The following FNDC3B variants were observed in gnomAD, a reference collection of about 807,000 sequenced individuals.
FNDC3B encodes the protein fibronectin type III domain-containing protein 3B.
A neutral mutation model predicts 151.5 loss-of-function variants in FNDC3B; 12 were observed. The observed-to-expected ratio is 0.08, with a 90% confidence interval of 0.05 to 0.13. The LOEUF is 0.13. Among genes scored for constraint, FNDC3B ranks in the 10% least tolerant of loss-of-function variants. The pLI, the probability that FNDC3B is intolerant of heterozygous loss-of-function variation, is 1.00. For missense variants in FNDC3B, 1,214 were observed against 1,505.3 expected (o/e 0.81, Z 3.20); for synonymous variants, 528 against 549.0 (o/e 0.96, Z 0.54).
chr3:172,394,106 T>TAAAAAGAAAAAAAA (rs1736154931), intron 25 of FNDC3B, among the ~76,000 whole-genome samples: 1 of 16,644 alleles, frequency 6.0e-5, no homozygotes, highest in Non-Finnish European at 1.1e-4. Flanking sequence ...AGACTCCTTC[T>TAAAAAGAAAAAAAA]AAAAAAAAAA....
At chr3:172,165,018 ATTTG>A (rs1433861952) in intron 3 of FNDC3B, among the ~76,000 whole-genome samples, 2 of 152,104 alleles carry the variant, frequency 1.3e-5, no homozygotes, top group African/African-American at 4.8e-5. Flanking sequence ...TTATGGTTTT[ATTTG>A]TTTGTTTGGA....
chr3:172,202,553 G>T (rs1289216867), intron 3 of FNDC3B, among the ~76,000 whole-genome samples: 1 of 152,162 alleles, frequency 6.6e-6, no homozygotes, highest in Non-Finnish European at 1.5e-5. Context: ...CCCCTTGTAA[G>T]GGCAAGTGGT....
At chr3:172,302,928 G>GAGAC (rs1213286844) in intron 9 of FNDC3B, 3 of 151,384 alleles carry the variant, frequency 2.0e-5, no homozygotes, top group Admixed American at 6.6e-5. Flanking sequence ...GCCTGAGAGA[G>GAGAC]AGAGACAGAG....
chr3:172,067,817 C>T (rs192789277), intron 1 of FNDC3B, among the ~76,000 whole-genome samples: 12 of 152,312 alleles, frequency 7.9e-5, no homozygotes, highest in African/African-American at 2.4e-4. Context: ...CAGTTTGTTT[C>T]TCTGCCACTT....
chr3:172,057,784 A>G (rs1263139007), intron 1 of FNDC3B, among the ~76,000 whole-genome samples: 1 of 151,092 alleles, frequency 6.6e-6, no homozygotes, highest in Non-Finnish European at 1.5e-5. Flanking sequence ...GCCTTGGGCC[A>G]TGTTAATAAT....
intron 3 of FNDC3B, among the ~76,000 whole-genome samples, chr3:172,182,669 A>C (rs1366439118): frequency 6.6e-6 from 1 of 152,194 alleles, no homozygotes; most frequent in Non-Finnish European, 1.5e-5. Context: ...TCCAACATAG[A>C]ATCTTAAGAA....
chr3:172,381,848 A>G (rs1028087354), intron 25 of FNDC3B, among the ~76,000 whole-genome samples: 7 of 152,004 alleles, frequency 4.6e-5, no homozygotes, highest in African/African-American at 7.3e-5. Context: ...TATGTGCCAC[A>G]TTTTCTTTAT....
intron 11 of FNDC3B, among the ~76,000 whole-genome samples, chr3:172,323,303 T>C (rs1732181624): frequency 6.6e-6 from 1 of 152,114 alleles, no homozygotes; most frequent in Non-Finnish European, 1.5e-5. Flanking sequence ...GGTGGAAGGA[T>C]AGCTTGAGGC....
chr3:172,256,949 G>A (rs77101413), intron 6 of FNDC3B, among the ~76,000 whole-genome samples: 2 of 144,842 alleles, frequency 1.4e-5, no homozygotes, highest in Admixed American at 6.9e-5. Flanking sequence ...TTTTTTTTTT[G>A]AGACAGAATC....
intron 1 of FNDC3B, among the ~76,000 whole-genome samples, chr3:172,059,609 A>T (rs1216452128): frequency 6.6e-6 from 1 of 152,178 alleles, no homozygotes; most frequent in African/African-American, 2.4e-5. Flanking sequence ...TTTGAAATTT[A>T]TCTAGTATAC....
rs748208864 is a variant in FNDC3B, at chr3:172,169,257, T to TC, written c.187+35712dup. 6.1e-4 allele frequency among the ~76,000 whole-genome samples: 93 copies of TC among 152,250 alleles called. 1 individual carries two copies. Among genetic ancestry groups the TC allele is most frequent in the Admixed American group, 2.4e-3 (36 of 15,298 alleles). On this transcript the variant is annotated intron_variant, in intron 3 of 25. Coordinates refer to ENST00000415807, the MANE Select transcript of FNDC3B (RefSeq NM_022763.4). ...GACCTCAGTGCCACCAGGGGCATAC[T>TC]CGAGCCCACCAAAGGAGCAAGTGAA...
chr3:172,334,817 A>T (rs1576921821), intron 14 of FNDC3B, 127 bp from the exon 15 acceptor site: 15 of 777,536 alleles, frequency 1.9e-5, no homozygotes, highest in Middle Eastern at 2.9e-4. Context: ...ACTTGAGTTG[A>T]AAGAGAAAAA....
intron 6 of FNDC3B, among the ~76,000 whole-genome samples, chr3:172,273,193 G>A (rs1188081496): frequency 2.6e-5 from 4 of 152,144 alleles, no homozygotes; most frequent in Non-Finnish European, 5.9e-5. Flanking sequence ...GTAGGAAATG[G>A]TTTTACCTTT....
At chr3:172,144,555 CACTGGAT>C (rs1319946311) in intron 3 of FNDC3B, among the ~76,000 whole-genome samples, 1 of 152,182 alleles carries the variant, frequency 6.6e-6, no homozygotes, top group African/African-American at 2.4e-5. Context: ...AGTGAGAACA[CACTGGAT>C]GAATGTTTCC....
chr3:172,335,047 G>A lies in FNDC3B; in HGVS notation c.1745G>A (p.Gly582Asp). 6.2e-7 allele frequency: 1 copy of A among 1,612,574 alleles called. No individual in the cohort carries two copies. The highest frequency in any genetic ancestry group is 1.3e-5 in the African/African-American group (1 of 74,810). The change falls in exon 15 of 26, where the codon GGC becomes GAC. Residue 582 changes from glycine to aspartate, a missense_variant. Transcript: ENST00000415807. ...CCTCCTACCAGACCGCTTGTCAAAG[G>A]CCCAGTTACATCTCATGGCTTTAGT... is the stretch of plus-strand genomic sequence containing the variant. ...PGPPTRPLVK[G>D]PVTSHGFSVK...
At chr3:172,105,425 A>T (rs1719595785) in intron 1 of FNDC3B, among the ~76,000 whole-genome samples, 1 of 152,280 alleles carries the variant, frequency 6.6e-6, no homozygotes, top group African/African-American at 2.4e-5. Context: ...AACATTAGCT[A>T]TCTTATTGTT....
chr3:172,052,445 A>G (rs935679532), intron 1 of FNDC3B, among the ~76,000 whole-genome samples: 8 of 152,248 alleles, frequency 5.3e-5, no homozygotes, highest in Admixed American at 3.3e-4. Flanking sequence ...TCCTCCCCCA[A>G]ATGTGCCTTG....
At chr3:172,222,513 C>A (rs1726326247) in intron 3 of FNDC3B, among the ~76,000 whole-genome samples, 1 of 152,130 alleles carries the variant, frequency 6.6e-6, no homozygotes, top group Admixed American at 6.5e-5. Flanking sequence ...CTTTTTGGCA[C>A]CAGGGACCGT....
At chr3:172,091,980 T>C (rs1249424774) in intron 1 of FNDC3B, among the ~76,000 whole-genome samples, 1 of 151,732 alleles carries the variant, frequency 6.6e-6, no homozygotes, top group African/African-American at 2.4e-5. Flanking sequence ...GTTGTAAATT[T>C]GACTATAAGA....
Sources: allele counts gnomAD v4.1 joint callset (sites outside exome capture counted in the v4.1 genomes callset), GRCh38; gene constraint gnomAD v4.1.1; transcripts MANE v1.5; gene names NCBI Gene and HGNC (gene_info 2026-07-23, HGNC 2026-07-21).